The following SIPA1L2 variants were observed in gnomAD, a reference collection of about 807,000 sequenced individuals.
The protein encoded by SIPA1L2 is signal-induced proliferation-associated 1-like protein 2.
A neutral mutation model predicts 163.9 loss-of-function variants in SIPA1L2; 56 were observed. The ratio of observed to expected loss-of-function variants is 0.34; its 90% confidence interval spans 0.28 to 0.43. SIPA1L2 has a LOEUF of 0.43. SIPA1L2 is among the 20% of genes least tolerant of loss of function. The pLI is 1.00. For missense variants in SIPA1L2, 1,974 were observed against 2,193.5 expected (o/e 0.90, Z 2.00); for synonymous variants, 877 against 865.7 (o/e 1.01, Z -0.23).
At chr1:232,462,123 A>G in intron 9 of SIPA1L2, 1 of 1,104,108 alleles carries the variant, frequency 9.1e-7, no homozygotes, top group Non-Finnish European at 1.4e-6. Flanking sequence ...GGAACATGAA[A>G]GAAGAATGGT....
At chr1:232,625,985 G>C (rs1345553074) in intron 1 of SIPA1L2, among the ~76,000 whole-genome samples, 1 of 152,134 alleles carries the variant, frequency 6.6e-6, no homozygotes, top group Non-Finnish European at 1.5e-5. Context: ...GTGTCTGTGT[G>C]GGGATAGATA....
chr1:232,582,246 C>G (rs770497788), intron 1 of SIPA1L2, among the ~76,000 whole-genome samples: 2 of 151,834 alleles, frequency 1.3e-5, no homozygotes, highest in Non-Finnish European at 2.9e-5. Context: ...TATATTGCAC[C>G]CCGGCAGTGA....
chr1:232,551,887 TG>T (rs1573070136), intron 2 of SIPA1L2, among the ~76,000 whole-genome samples: 3 of 152,248 alleles, frequency 2.0e-5, no homozygotes, highest in Admixed American at 2.0e-4. Flanking sequence ...TACCCCAGGC[TG>T]GAGTGCAATG....
intron 10 of SIPA1L2, among the ~76,000 whole-genome samples, chr1:232,453,371 C>G (rs762802587): frequency 1.2e-4 from 19 of 152,202 alleles, no homozygotes; most frequent in Non-Finnish European, 2.5e-4. Context: ...ACAGACTGTG[C>G]AGTCACAGCT....
chr1:232,439,881 T>TA (rs1216550815), intron 14 of SIPA1L2, among the ~76,000 whole-genome samples: 1 of 152,134 alleles, frequency 6.6e-6, no homozygotes, highest in Non-Finnish European at 1.5e-5. Flanking sequence ...CATGACAAAT[T>TA]ATAGTGCCAG....
At chr1:232,524,003 C>T (rs1249069613) in intron 2 of SIPA1L2, among the ~76,000 whole-genome samples, 2 of 152,198 alleles carry the variant, frequency 1.3e-5, no homozygotes, top group East Asian at 1.9e-4. Flanking sequence ...ACACAACAAA[C>T]TCCATTCACT....
chr1:232,474,645 T>G (rs1664949680), intron 7 of SIPA1L2, among the ~76,000 whole-genome samples: 1 of 152,224 alleles, frequency 6.6e-6, no homozygotes, highest in African/African-American at 2.4e-5. Flanking sequence ...GATAAGTGTT[T>G]GTGGTAACAG....
intron 2 of SIPA1L2, among the ~76,000 whole-genome samples, chr1:232,564,409 C>G (rs1659280613): frequency 6.6e-6 from 1 of 151,832 alleles, no homozygotes; most frequent in Non-Finnish European, 1.5e-5. Flanking sequence ...ATCAGGTCGA[C>G]TGCTCAGGCC....
chr1:232,524,036 C>A (rs1391282878), intron 2 of SIPA1L2, among the ~76,000 whole-genome samples: 1 of 152,186 alleles, frequency 6.6e-6, no homozygotes, highest in African/African-American at 2.4e-5. Context: ...TGAAAGCCAT[C>A]TTTGCACTGT....
intron 1 of SIPA1L2, among the ~76,000 whole-genome samples, chr1:232,587,453 G>A (rs539240211): frequency 5.1e-4 from 78 of 152,186 alleles, no homozygotes; most frequent in Middle Eastern, 3.4e-3. Flanking sequence ...TATGAACCAC[G>A]GGCCCCTTAG....
chr1:232,501,162 G>T (rs911044027), intron 3 of SIPA1L2, among the ~76,000 whole-genome samples: 2 of 144,778 alleles, frequency 1.4e-5, no homozygotes, highest in Admixed American at 1.4e-4. Context: ...GGTTCACGAC[G>T]TTCTCCTGCC....
At chr1:232,501,048 G>GTCTTTTTTTTT in intron 3 of SIPA1L2, among the ~76,000 whole-genome samples, 1 of 58,452 alleles carries the variant, frequency 1.7e-5, no homozygotes, top group Non-Finnish European at 3.7e-5. Context: ...TAGCAATGAA[G>GTCTTTTTTTTT]TATTTTTTTT....
intron 1 of SIPA1L2, among the ~76,000 whole-genome samples, chr1:232,610,308 T>C (rs560531889): frequency 6.6e-6 from 1 of 152,244 alleles, no homozygotes; most frequent in South Asian, 2.1e-4. Context: ...AGGGCTGTGC[T>C]AGGTGATGTG....
At position 232,515,152 on chromosome 1, in the gene SIPA1L2, C is replaced by T; in HGVS notation, c.188G>A (p.Gly63Asp). Reference protein sequence around the residue: ...ASNSNETGGGGPANGTPAVPK... With the variant: ...ASNSNETGGGDPANGTPAVPK... ...CACAGCTGGGGTACCATTAGCCGGA[C>T]CACCACCGCCAGTCTCATTGGAATT... Residue 63 changes from glycine to aspartate, a missense_variant, in exon 3 of 23, where the codon GGT becomes GAT. Gly to Asp is a moderately conservative substitution (Grantham distance 94). Transcript: ENST00000674635. 1.2e-6 allele frequency: 2 copies of T among 1,614,004 alleles called. No homozygotes were observed. Among genetic ancestry groups the T allele is most frequent in the Non-Finnish European group, 1.7e-6 (2 of 1,179,878 alleles).
intron 2 of SIPA1L2, among the ~76,000 whole-genome samples, chr1:232,532,648 A>C (rs1657036050): frequency 6.6e-6 from 1 of 152,260 alleles, no homozygotes; most frequent in Non-Finnish European, 1.5e-5. Flanking sequence ...TCCTGAAGGC[A>C]GTAAAGCACA....
chr1:232,442,552 G>GAAAAAAAAAAAAAAAAAAAAA (rs59025710), intron 12 of SIPA1L2, among the ~76,000 whole-genome samples: 2 of 74,728 alleles, frequency 2.7e-5, no homozygotes, highest in African/African-American at 9.8e-5. Flanking sequence ...CATCTCAAAA[G>GAAAAAAAAAAAAAAAAAAAAA]AAAAAAAAAA....
chr1:232,476,337 G>A (rs1396599973), intron 7 of SIPA1L2, among the ~76,000 whole-genome samples: 8 of 152,084 alleles, frequency 5.3e-5, no homozygotes, highest in Non-Finnish European at 7.4e-5. Flanking sequence ...TCCACGAGGC[G>A]TCAGGTACCC....
chr1:232,600,837 T>C (rs763301981), intron 1 of SIPA1L2, among the ~76,000 whole-genome samples: 4 of 152,144 alleles, frequency 2.6e-5, no homozygotes, highest in East Asian at 1.9e-4. Flanking sequence ...TCAGGGCACA[T>C]AGGTGACAGC....
In SIPA1L2 at chr1:232,465,847, C is replaced by G. The variant is rs899641543; in HGVS notation, c.2244-431G>C. Among the ~76,000 whole-genome samples the G allele has an allele frequency of 6.6e-6, 1 of 151,578 alleles. No homozygotes were observed. Among genetic ancestry groups the G allele is most frequent in the Non-Finnish European group, 1.5e-5 (1 of 67,966 alleles). On this transcript the variant is annotated intron_variant, in intron 8 of 22. Transcript: ENST00000674635. The surrounding 1 kb of genome is among the most constrained non-coding windows in gnomAD (Gnocchi z 4.1). ...TCCTTATAAGAGGAGAAAATTTGGG[C>G]TTACAAAGAGACACCAGGGATGTAT...
Sources: allele counts gnomAD v4.1 joint callset (sites outside exome capture counted in the v4.1 genomes callset), GRCh38; gene constraint gnomAD v4.1.1; non-coding constraint Gnocchi (gnomAD v3.1); transcripts MANE v1.5; gene names NCBI Gene and HGNC (gene_info 2026-07-23, HGNC 2026-07-21).